The following SGPL1 variants were observed in gnomAD, a reference collection of about 807,000 sequenced individuals.
SGPL1 encodes sphingosine-1-phosphate lyase 1, also known as SP-lyase 1.
In SGPL1, 37 loss-of-function variants were observed where a neutral mutation model predicts 68.9. The ratio of observed to expected loss-of-function variants is 0.54; its 90% confidence interval spans 0.41 to 0.71. The LOEUF (loss-of-function observed/expected upper bound fraction) is 0.71, where lower values mean the gene tolerates loss of function less well. Ranked by LOEUF, SGPL1 falls within the 30% of genes least tolerant of loss-of-function variation. The pLI is 0.00. For synonymous variants in SGPL1, 236 were observed against 248.5 expected, an observed-to-expected ratio of 0.95 and a Z score of 0.47; for missense variants, 551 against 704.6, an observed-to-expected ratio of 0.78 and a Z score of 2.47.
Position 70,877,304 on chromosome 10 carries a change from G to A in SGPL1, c.1676G>A (p.Ser559Asn). 1 of 1,614,192 alleles carries A rather than the reference G, an allele frequency of 6.2e-7. No homozygotes were observed. Among genetic ancestry groups the A allele is most frequent in the Non-Finnish European group, 8.5e-7 (1 of 1,180,020 alleles). The change falls in exon 15 of 15, where the codon AGC (serine) becomes AAC (asparagine). Residue 559 changes from serine (S) to asparagine (N), a missense_variant. Ser to Asn is a conservative substitution (Grantham distance 46). Coordinates refer to ENST00000373202, the MANE Select transcript of SGPL1 (RefSeq NM_003901.4). ...LYSTDTVTQGSQMNGSPKPH is the reference protein window; with the variant it reads ...LYSTDTVTQGNQMNGSPKPH ...AGCACCGACACTGTCACCCAGGGCA[G>A]CCAGATGAATGGTTCTCCAAAACCC...
At chr10:70,823,434 GTTTAGT>G (rs1845377001) in intron 2 of SGPL1, among the ~76,000 whole-genome samples, 1 of 151,230 alleles carries the variant, frequency 6.6e-6, no homozygotes, top group Non-Finnish European at 1.5e-5. Flanking sequence ...AATTATAAAT[GTTTAGT>G]ACCAACCTGA....
intron 7 of SGPL1, among the ~76,000 whole-genome samples, chr10:70,863,218 C>T (rs886104979): frequency 5.3e-5 from 8 of 150,972 alleles, no homozygotes; most frequent in African/African-American, 1.9e-4. Context: ...AACTCCCAAG[C>T]TGAAGTGATC....
Position 70,842,595 on chromosome 10 carries a change from G to A in SGPL1, c.28-1878G>A, listed in dbSNP as rs1845732545. On this transcript the variant is annotated intron_variant, in intron 2 of 14. Transcript: ENST00000373202. ...TGAGCAGGCACGTCACATGGCAAGA[G>A]TGAGAGCAAGAAAGAGAGTGGGGGG... 2.6e-5 allele frequency among the ~76,000 whole-genome samples: 4 copies of A among 152,162 alleles called. No individual in the cohort carries two copies. In the South Asian group the frequency reaches 8.3e-4, roughly 32 times the overall value.
At position 70,858,824 on chromosome 10, in the gene SGPL1, T is replaced by C. The variant is rs571594983; in HGVS notation, c.487-547T>C. ...TCATTCCTCTTGTTCCAAATGATGA[T>C]TCCTACTCATCTCTCAAAGTTCCAC... On this transcript the variant is annotated intron_variant, in intron 6 of 14. Coordinates refer to ENST00000373202, the MANE Select transcript of SGPL1 (RefSeq NM_003901.4). Among the ~76,000 whole-genome samples, 7 of 152,312 alleles carry C rather than the reference T, an allele frequency of 4.6e-5. No individual in the cohort carries two copies. In the East Asian group the frequency reaches 1.4e-3, roughly 29 times the overall value.
chr10:70,819,408 T>C (rs183470757), intron 2 of SGPL1, among the ~76,000 whole-genome samples: 1 of 152,202 alleles, frequency 6.6e-6, no homozygotes, highest in African/African-American at 2.4e-5. Flanking sequence ...ATAATGCTAT[T>C]TGGAACTAAC....
chr10:70,844,820 A>T (rs1261395989), intron 3 of SGPL1, among the ~76,000 whole-genome samples, 182 bp downstream of exon 3: 1 of 152,060 alleles, frequency 6.6e-6, no homozygotes, highest in Non-Finnish European at 1.5e-5. Context: ...GCTCACTGCA[A>T]CCTCTGCCTC....
chr10:70,833,565 A>G (rs1845578414), intron 2 of SGPL1, among the ~76,000 whole-genome samples: 1 of 152,204 alleles, frequency 6.6e-6, no homozygotes, highest in Non-Finnish European at 1.5e-5. Context: ...AGACAATAGT[A>G]TTTTCTTACC....
At chr10:70,828,912 C>G (rs911858458) in intron 2 of SGPL1, among the ~76,000 whole-genome samples, 1 of 152,030 alleles carries the variant, frequency 6.6e-6, no homozygotes, top group Admixed American at 6.6e-5. Context: ...ACAATTGAGG[C>G]AAATTGGAAA....
At chr10:70,841,364 G>T (rs1222160880) in intron 2 of SGPL1, among the ~76,000 whole-genome samples, 1 of 152,142 alleles carries the variant, frequency 6.6e-6, no homozygotes, top group Non-Finnish European at 1.5e-5. Context: ...TGCCATAAAC[G>T]TGGTGGCATA....
chr10:70,863,745 G>T lies in SGPL1; in HGVS notation c.615+4246G>T, dbSNP rs187025589. Among the ~76,000 whole-genome samples, 13 of 152,270 alleles carry T rather than the reference G, an allele frequency of 8.5e-5. No homozygotes were observed. In the South Asian group the frequency reaches 1.7e-3, roughly 19 times the overall value. The stretch of plus-strand genomic sequence containing the variant: ...CCTTGTTACACATTCTTGAAAGATT[G>T]CTATTTTTCTTTACTTGAACATCAG... On this transcript the variant is annotated intron_variant, in intron 7 of 14. Transcript: ENST00000373202.
chr10:70,862,613 C>T (rs886117985), intron 7 of SGPL1, among the ~76,000 whole-genome samples: 2 of 152,156 alleles, frequency 1.3e-5, no homozygotes, highest in Non-Finnish European at 2.9e-5. Context: ...ACACTCACCA[C>T]GAAGGTCTGC....
At chr10:70,822,896 T>A (rs1169354614) in intron 2 of SGPL1, among the ~76,000 whole-genome samples, 1 of 151,556 alleles carries the variant, frequency 6.6e-6, no homozygotes, top group Non-Finnish European at 1.5e-5. Context: ...CTTACAGAGA[T>A]ATGCAGATGA....
chr10:70,842,149 A>G (rs965758598), intron 2 of SGPL1, among the ~76,000 whole-genome samples: 2 of 152,168 alleles, frequency 1.3e-5, no homozygotes, highest in Admixed American at 6.5e-5. Context: ...TGCACGTATT[A>G]TAGTTTATTT....
chr10:70,875,272 A>G, intron 12 of SGPL1, 130 bp from the exon 13 acceptor site: 1 of 612,498 alleles, frequency 1.6e-6, no homozygotes, highest in Non-Finnish European at 2.9e-6. Flanking sequence ...GAAGATGAGA[A>G]GACTAAAGCC....
At chr10:70,875,368 C>A in intron 12 of SGPL1, 34 bp from the exon 13 acceptor site, 1 of 1,472,852 alleles carries the variant, frequency 6.8e-7, no homozygotes, top group Non-Finnish European at 9.5e-7. Flanking sequence ...ACTGAATTTA[C>A]TTTTTCTTCC....
chr10:70,823,531 A>G (rs1306438134), intron 2 of SGPL1, among the ~76,000 whole-genome samples: 10 of 149,690 alleles, frequency 6.7e-5, no homozygotes, highest in Non-Finnish European at 1.3e-4. Flanking sequence ...CCACGAACCA[A>G]TATCAGACTT....
At position 70,871,994 on chromosome 10, in the gene SGPL1, AAGG is replaced by A; in HGVS notation, c.1059+14_1059+16del. 6.2e-7 allele frequency: 1 copy of A among 1,612,192 alleles called. No homozygotes were observed. Among genetic ancestry groups the A allele is most frequent in the South Asian group, 1.1e-5 (1 of 90,398 alleles). On this transcript the variant is annotated intron_variant, in intron 11 of 14. Coordinates refer to ENST00000373202, the MANE Select transcript of SGPL1 (RefSeq NM_003901.4). ...TCAGCTGACACCCATAAGGTGAGCT[AAGG>A]AGGAGATCAAGTGTTACCAGTTGAT...
At chr10:70,855,783 C>A (rs892437059) in intron 5 of SGPL1, among the ~76,000 whole-genome samples, 10 of 152,260 alleles carry the variant, frequency 6.6e-5, no homozygotes, top group Non-Finnish European at 1.3e-4. Flanking sequence ...TTTCCCTATA[C>A]CCAGCTTCTC....
Position 70,878,558 on chromosome 10 carries a change from C to CCAGAT in SGPL1, c.*1224_*1228dup, listed in dbSNP as rs1164838228. ...TTGAATATCAGAGTAGGATGAACAC[C>CCAGAT]CAGATTCAAATATGTCACCAAAGTT... On this transcript the variant is annotated 3_prime_UTR_variant, in exon 15 of 15. Transcript: ENST00000373202. 4 of 152,170 alleles carry CCAGAT rather than the reference C, an allele frequency of 2.6e-5. No homozygotes were observed. Among genetic ancestry groups the CCAGAT allele is most frequent in the Non-Finnish European group, 4.4e-5 (3 of 68,044 alleles). 9.4% of individuals were successfully genotyped at this position (152,170 alleles called of 1,614,324 possible). A position where few individuals can be genotyped will look rare whatever the true frequency, so the allele number is the denominator to read the frequency against.
Sources: allele counts gnomAD v4.1 joint callset (sites outside exome capture counted in the v4.1 genomes callset), GRCh38; gene constraint gnomAD v4.1.1; transcripts MANE v1.5; gene names NCBI Gene and HGNC (gene_info 2026-07-23, HGNC 2026-07-21).